The following KCNMA1 variants were observed in gnomAD, a reference collection of about 807,000 sequenced individuals.
The protein encoded by KCNMA1 is potassium calcium-activated channel subfamily M alpha 1, also known as Calcium-activated potassium channel subunit alpha-1.
A neutral mutation model predicts 140.0 loss-of-function variants in KCNMA1; 29 were observed. The observed-to-expected ratio is 0.21, with a 90% CI of 0.15 to 0.28. KCNMA1 has a LOEUF of 0.28. KCNMA1 is among the 10% of genes least tolerant of loss of function. The probability of loss-of-function intolerance (pLI) is 1.00; values close to 1 mark genes in which losing one functional copy is unlikely to be tolerated. For missense variants in KCNMA1, 880 were observed against 1,602.2 expected, an observed-to-expected ratio of 0.55 and a Z score of 7.70; for synonymous variants, 612 against 611.9, an observed-to-expected ratio of 1.00 and a Z score of 0.00.
chr10:76,904,871 G>A (rs2116829), intron 25 of KCNMA1: 79,510 of 152,212 alleles, frequency 0.52, 22,392 homozygotes, highest in Non-Finnish European at 0.64. Flanking sequence ...AAACGCAGGA[G>A]GCTGGTAAGG....
chr10:77,636,401 A>T (rs1448395716), intron 1 of KCNMA1: 6 of 1,536,090 alleles, frequency 3.9e-6, no homozygotes, highest in East Asian at 4.9e-5. Flanking sequence ...AGCCGACGAC[A>T]TCTAGCCACC....
chr10:77,519,343 G>A (rs1461675565), intron 1 of KCNMA1, among the ~76,000 whole-genome samples: 1 of 152,162 alleles, frequency 6.6e-6, no homozygotes, highest in Non-Finnish European at 1.5e-5. Flanking sequence ...GAGATGAAAG[G>A]CTCCTTCTCC....
chr10:77,370,782 A>G (rs1299190921), intron 2 of KCNMA1, among the ~76,000 whole-genome samples: 1 of 152,176 alleles, frequency 6.6e-6, no homozygotes, highest in African/African-American at 2.4e-5. Context: ...TGGCCTTTGA[A>G]GTCTCATTCC....
chr10:77,583,255 C>A (rs1363357116), intron 1 of KCNMA1, among the ~76,000 whole-genome samples: 1 of 152,226 alleles, frequency 6.6e-6, no homozygotes, highest in African/African-American at 2.4e-5. Flanking sequence ...GGTCTGACCA[C>A]AACTAGTCCC....
At chr10:77,469,033 T>G (rs1250540230) in intron 1 of KCNMA1, among the ~76,000 whole-genome samples, 3 of 152,102 alleles carry the variant, frequency 2.0e-5, no homozygotes, top group African/African-American at 7.2e-5. Context: ...CCCCGACCAC[T>G]TCGCCCCAAG....
At chr10:77,346,912 G>A (rs2092254202) in intron 2 of KCNMA1, among the ~76,000 whole-genome samples, 2 of 152,172 alleles carry the variant, frequency 1.3e-5, no homozygotes, top group African/African-American at 4.8e-5. Flanking sequence ...TTGCCCGACT[G>A]CCCTGCTGAC....
At chr10:76,888,411 G>GT (rs2038274790) in intron 27 of KCNMA1, 1 of 152,024 alleles carries the variant, frequency 6.6e-6, no homozygotes, top group African/African-American at 2.4e-5. Flanking sequence ...TATATATGAT[G>GT]TTTTCTTCCT....
chr10:77,516,328 C>T (rs968967414), intron 1 of KCNMA1, among the ~76,000 whole-genome samples: 22 of 152,176 alleles, frequency 1.4e-4, no homozygotes, highest in African/African-American at 5.3e-4. Context: ...AGCTTTCTCT[C>T]CATGCACCCT....
intron 5 of KCNMA1, among the ~76,000 whole-genome samples, chr10:77,166,548 T>C (rs2098644487): frequency 1.3e-5 from 2 of 149,862 alleles, no homozygotes; most frequent in African/African-American, 4.9e-5. Flanking sequence ...AAATGATTGA[T>C]TCAGAGGAAG....
chr10:77,503,816 G>A (rs895912987), intron 1 of KCNMA1, among the ~76,000 whole-genome samples: 1 of 152,200 alleles, frequency 6.6e-6, no homozygotes, highest in African/African-American at 2.4e-5. Flanking sequence ...CAAGTGCTGC[G>A]GGATTTTTCA....
chr10:77,493,228 G>A (rs762759477), intron 1 of KCNMA1, among the ~76,000 whole-genome samples: 1 of 152,230 alleles, frequency 6.6e-6, no homozygotes, highest in Non-Finnish European at 1.5e-5. Flanking sequence ...GGGCACCCCG[G>A]CTAATCAGCC....
At position 77,616,786 on chromosome 10, in the gene KCNMA1, C is replaced by T. The variant is rs1431086122; in HGVS notation, c.378+20479G>A. Among the ~76,000 whole-genome samples the T allele has an allele frequency of 4.7e-5, 7 of 149,270 alleles. No individual in the cohort carries two copies. The East Asian group carries it at 7.9e-4, about 17-fold the overall frequency. ...GCACCACTGCACTCCAGTCTGGGCA[C>T]GAGAGTGAAGCTCCATCTCAAAAAA... On this transcript the variant is annotated intron_variant, in intron 1 of 27. Coordinates refer to ENST00000286628, the MANE Select transcript of KCNMA1 (RefSeq NM_001161352.2).
intron 1 of KCNMA1, among the ~76,000 whole-genome samples, chr10:77,525,815 G>T (rs939028673): frequency 6.6e-6 from 1 of 152,126 alleles, no homozygotes; most frequent in Non-Finnish European, 1.5e-5. Context: ...TCTTGTCCAG[G>T]TTCCCACTCC....
chr10:77,138,861 T>C (rs554283409), intron 5 of KCNMA1, among the ~76,000 whole-genome samples: 29 of 152,294 alleles, frequency 1.9e-4, no homozygotes, highest in Middle Eastern at 6.8e-3. Flanking sequence ...CCCCAGATCA[T>C]TGCAAGGTTG....
chr10:77,568,126 T>A (rs896973544), intron 1 of KCNMA1, among the ~76,000 whole-genome samples: 3 of 152,196 alleles, frequency 2.0e-5, no homozygotes, highest in Admixed American at 2.0e-4. Context: ...CAAGACCAGA[T>A]GCATTCACAG....
intron 3 of KCNMA1, among the ~76,000 whole-genome samples, chr10:77,213,316 A>T (rs1379586734): frequency 6.6e-6 from 1 of 152,056 alleles, no homozygotes; most frequent in Non-Finnish European, 1.5e-5. Context: ...TTATCCCCCT[A>T]ATGTATCCTT....
chr10:77,484,008 T>G (rs970444264), intron 1 of KCNMA1, among the ~76,000 whole-genome samples: 1 of 152,078 alleles, frequency 6.6e-6, no homozygotes, highest in African/African-American at 2.4e-5. Context: ...AGGACCAGGG[T>G]GGGAGGGGCC....
At chr10:77,343,347 A>G (rs1032593681) in intron 2 of KCNMA1, among the ~76,000 whole-genome samples, 2 of 152,220 alleles carry the variant, frequency 1.3e-5, no homozygotes, top group African/African-American at 4.8e-5. Context: ...GATTGTATAG[A>G]TAAAGAAATT....
intron 1 of KCNMA1, among the ~76,000 whole-genome samples, chr10:77,443,424 T>C (rs192819996): frequency 6.6e-6 from 1 of 151,404 alleles, no homozygotes; most frequent in Non-Finnish European, 1.5e-5. Flanking sequence ...AGGCTGGGAG[T>C]ATGGCTGGAC....
Sources: allele counts gnomAD v4.1 joint callset (sites outside exome capture counted in the v4.1 genomes callset), GRCh38; gene constraint gnomAD v4.1.1; transcripts MANE v1.5; gene names NCBI Gene and HGNC (gene_info 2026-07-23, HGNC 2026-07-21).